SLC17A2: variants seen among roughly 807,000 people sequenced by gnomAD.
SLC17A2 encodes solute carrier family 17 member 2, also known as sodium-dependent phosphate transport protein 3.
SLC17A2 carries 38 observed loss-of-function variants against 52.1 expected under a neutral mutation model. The observed-to-expected ratio is 0.73, with a 90% CI of 0.56 to 0.96. The LOEUF is 0.96. SLC17A2 is among the 40% of genes least tolerant of loss of function. The pLI is 0.00. For synonymous variants in SLC17A2, 226 were observed against 211.9 expected, an observed-to-expected ratio of 1.07 and a Z score of -0.58; for missense variants, 508 against 583.9, an observed-to-expected ratio of 0.87 and a Z score of 1.34.
Position 25,913,147 on chromosome 6 carries a change from T to C in SLC17A2, c.*170A>G. 1.5e-6 allele frequency: 1 copy of C among 661,194 alleles called. No individual in the cohort carries two copies. The highest frequency in any genetic ancestry group is 2.6e-6 in the Non-Finnish European group (1 of 379,610). 41.0% of individuals were successfully genotyped at this position (661,194 alleles called of 1,614,324 possible). A position where few individuals can be genotyped will look rare whatever the true frequency, so the allele number is the denominator to read the frequency against. ...CCACCCCAGACCAATTCATTCAGAA[T>C]CTCTGGAGTGGGTCCCAAGTATCAG... On this transcript the variant is annotated 3_prime_UTR_variant, in exon 12 of 12. Coordinates refer to ENST00000377850, the MANE Select transcript of SLC17A2 (RefSeq NM_001286123.3).
chr6:25,914,254 T>G (rs1358908987), intron 11 of SLC17A2, among the ~76,000 whole-genome samples: 2 of 152,240 alleles, frequency 1.3e-5, no homozygotes, highest in Admixed American at 1.3e-4. Flanking sequence ...TTTGCCCCTC[T>G]GTCTTCGTCT....
chr6:25,923,813 G>T lies in SLC17A2; in HGVS notation c.122C>A (p.Ala41Glu), dbSNP rs764054503. The T allele has an allele frequency of 1.1e-5, 17 of 1,614,024 alleles. No individual in the cohort carries two copies. Among genetic ancestry groups the T allele is most frequent in the Non-Finnish European group, 1.4e-5 (17 of 1,180,018 alleles). The part of the protein sequence containing the change: ...MITQRVSLSI[A>E]IIAMVNTTQQ... ...AGTGGTGTTCACCATGGCGATGATC[G>T]CAATGCTCAGACTCACACGCTGCGT... The change falls in exon 3 of 12, where the codon GCG becomes GAG. Residue 41 changes from alanine (A) to glutamate (E), a missense_variant. Physicochemically the swap from Ala to Glu is moderately radical, Grantham distance 107. Transcript: ENST00000377850.
intron 8 of SLC17A2, 53 bp from the exon 9 acceptor site, chr6:25,915,921 A>G: frequency 3.2e-6 from 5 of 1,572,784 alleles, no homozygotes; most frequent in Non-Finnish European, 1.7e-6. Flanking sequence ...TAGCACCAAA[A>G]TTTGTCAGTT....
intron 5 of SLC17A2, among the ~76,000 whole-genome samples, chr6:25,919,924 AG>A (rs1182374125): frequency 1.3e-5 from 2 of 152,040 alleles, no homozygotes; most frequent in African/African-American, 4.8e-5. Context: ...GAGTGGAACA[AG>A]GTTGGGGCCA....
At chr6:25,923,634 C>A in intron 3 of SLC17A2, 61 bp downstream of exon 3, 6 of 1,257,802 alleles carry the variant, frequency 4.8e-6, no homozygotes, top group Non-Finnish European at 3.5e-6. Context: ...GAATCAAGAT[C>A]TATGCCTTCC....
At chr6:25,914,111 C>A (rs1766208793) in intron 11 of SLC17A2, among the ~76,000 whole-genome samples, 1 of 152,170 alleles carries the variant, frequency 6.6e-6, no homozygotes, top group Non-Finnish European at 1.5e-5. Flanking sequence ...ACCGAGCAAG[C>A]CTCCTTGCAA....
chr6:25,915,059 G>A (rs1766249070), intron 10 of SLC17A2, among the ~76,000 whole-genome samples: 1 of 149,834 alleles, frequency 6.7e-6, no homozygotes, highest in South Asian at 2.1e-4. Context: ...ATAAAATGGG[G>A]ATAACAATAG....
At chr6:25,927,742 T>A (rs1482338369) in intron 1 of SLC17A2, among the ~76,000 whole-genome samples, 1 of 152,182 alleles carries the variant, frequency 6.6e-6, no homozygotes, top group African/African-American at 2.4e-5. Flanking sequence ...GTTGTTGTTT[T>A]GTACAATGGA....
chr6:25,924,432 A>G (rs576746734), intron 2 of SLC17A2, among the ~76,000 whole-genome samples: 4 of 152,246 alleles, frequency 2.6e-5, no homozygotes, highest in African/African-American at 9.6e-5. Context: ...CACTTCGACT[A>G]ATTCCCTAGT....
intron 11 of SLC17A2, among the ~76,000 whole-genome samples, chr6:25,914,320 T>C (rs1327631106): frequency 2.0e-5 from 3 of 152,226 alleles, no homozygotes; most frequent in African/African-American, 7.2e-5. Flanking sequence ...AACTGTTTCA[T>C]GCTCATGTAC....
At chr6:25,916,265 G>A (rs1766313775) in intron 8 of SLC17A2, among the ~76,000 whole-genome samples, 1 of 152,116 alleles carries the variant, frequency 6.6e-6, no homozygotes, top group African/African-American at 2.4e-5. Context: ...ATTTTTAGTA[G>A]ATGATATTTA....
intron 3 of SLC17A2, 43 bp downstream of exon 3, chr6:25,923,652 G>GT (rs1561880903): frequency 1.3e-6 from 2 of 1,498,044 alleles, no homozygotes; most frequent in Non-Finnish European, 9.3e-7. Flanking sequence ...TCCTTTCAAA[G>GT]TTTTTTCTCT....
In SLC17A2 at chr6:25,923,697, T is replaced by G. The variant is rs964825162; in HGVS notation, c.238A>C (p.Lys80Gln). 3 of 1,612,786 alleles carry G rather than the reference T, an allele frequency of 1.9e-6. No individual in the cohort carries two copies. The African/African-American group carries it at 4.0e-5, about 22-fold the overall frequency. Residue 80 changes from lysine (K) to glutamine (Q), a missense_variant and splice_region_variant, in exon 3 of 12, where the codon AAG (lysine) becomes CAG (glutamine). Coordinates refer to ENST00000377850, the MANE Select transcript of SLC17A2 (RefSeq NM_001286123.3). ...GCCCTATTTTCCATCATACTTACCT[T>G]TGTATCAAATTCCTTGATGGATATG... is the stretch of plus-strand genomic sequence containing the variant. ...SSISIKEFDT[K>Q]ASVYQWSPET...
chr6:25,926,237 C>T (rs1044421656), intron 1 of SLC17A2, among the ~76,000 whole-genome samples: 4 of 151,936 alleles, frequency 2.6e-5, no homozygotes, highest in African/African-American at 9.7e-5. Flanking sequence ...TTGTAGCAGA[C>T]CATAAGACAG....
chr6:25,921,076 A>T lies in SLC17A2; in HGVS notation c.492T>A (p.Gly164=). ...CCCACTTTGCCCAAATAGTAAACTG[A>T]CCTGTCCATGCCATTCCCTGAAATG... is the stretch of plus-strand genomic sequence containing the variant. The part of the protein sequence containing the change: ...QGMAQGMAWT[G]QFTIWAKWAP... Residue 164 remains glycine, a synonymous_variant, in exon 5 of 12, where the codon GGT becomes GGA. Coordinates refer to ENST00000377850, the MANE Select transcript of SLC17A2 (RefSeq NM_001286123.3). The T allele has an allele frequency of 6.2e-7, 1 of 1,614,160 alleles. No homozygotes were observed.
At position 25,925,893 on chromosome 6, in the gene SLC17A2, A is replaced by G. The variant is rs1766747110; in HGVS notation, c.-83-14T>C. 1 of 1,230,364 alleles carries G rather than the reference A, an allele frequency of 8.1e-7. No individual in the cohort carries two copies. The highest frequency in any genetic ancestry group is 1.2e-6 in the Non-Finnish European group (1 of 829,872). The allele number at this position is 1,230,364 out of a possible 1,614,324, so 76.2% of individuals were successfully genotyped here. On this transcript the variant is annotated splice_polypyrimidine_tract_variant and intron_variant, in intron 1 of 11. Coordinates refer to ENST00000377850, the MANE Select transcript of SLC17A2 (RefSeq NM_001286123.3). ...ACAGTCTTTTATCTATGGAGAGAAC[A>G]TAATCCAAAACATAATACACAAATA...
chr6:25,928,381 G>A (rs1328315107), intron 1 of SLC17A2, among the ~76,000 whole-genome samples: 2 of 151,882 alleles, frequency 1.3e-5, no homozygotes, highest in African/African-American at 4.8e-5. Flanking sequence ...ATACTTTTAG[G>A]TTGAGCTTTG....
At chr6:25,920,158 TG>T (rs1766497738) in intron 5 of SLC17A2, among the ~76,000 whole-genome samples, 1 of 152,072 alleles carries the variant, frequency 6.6e-6, no homozygotes, top group African/African-American at 2.4e-5. Context: ...ACAACTATGA[TG>T]GAAGGAAGCA....
chr6:25,918,616 G>A (rs766201056), intron 5 of SLC17A2, 43 bp from the exon 6 acceptor site: 2 of 1,391,268 alleles, frequency 1.4e-6, no homozygotes, highest in Non-Finnish European at 1.0e-6. Context: ...AATATCAAAG[G>A]CTGAGACTTC....
Sources: gnomAD v4.1 joint callset for allele counts (sites outside exome capture counted in the v4.1 genomes callset) on GRCh38, gnomAD v4.1.1 for gene constraint, MANE v1.5 for transcripts, NCBI Gene and HGNC (gene_info 2026-07-23, HGNC 2026-07-21) for gene names.